The following LRRC4C variants were observed in gnomAD, a reference collection of about 807,000 sequenced individuals.
LRRC4C encodes the protein leucine-rich repeat-containing protein 4C.
LRRC4C carries 5 observed loss-of-function variants against 33.6 expected under a neutral mutation model. The observed-to-expected ratio is 0.15, with a 90% CI of 0.08 to 0.31. LRRC4C has a LOEUF of 0.31. Among genes scored for constraint, LRRC4C ranks in the 10% least tolerant of loss-of-function variants. The pLI, the probability that LRRC4C is intolerant of heterozygous loss-of-function variation, is 1.00. For synonymous variants in LRRC4C, 329 were observed against 302.0 expected (o/e 1.09, Z -0.93); for missense variants, 560 against 796.7 (o/e 0.70, Z 3.58).
chr11:41,165,014 G>A (rs1042088020), intron 1 of LRRC4C, among the ~76,000 whole-genome samples: 24 of 152,182 alleles, frequency 1.6e-4, no homozygotes, highest in Middle Eastern at 3.4e-3. Context: ...AAGTAGCAGC[G>A]CAAATGCTAA....
At chr11:40,232,242 G>A (rs568449435) in intron 5 of LRRC4C, among the ~76,000 whole-genome samples, 2 of 152,174 alleles carry the variant, frequency 1.3e-5, no homozygotes, top group Admixed American at 6.5e-5. Flanking sequence ...CTGACCTCAG[G>A]TGATCCACCC....
intron 3 of LRRC4C, among the ~76,000 whole-genome samples, chr11:40,590,865 C>G (rs200338479): frequency 2.1e-5 from 3 of 145,484 alleles, no homozygotes; most frequent in African/African-American, 7.5e-5. Context: ...GCTGGGAGAA[C>G]CACTGCTCTC....
At chr11:40,148,772 T>C (rs1270328954) in intron 5 of LRRC4C, among the ~76,000 whole-genome samples, 1 of 152,200 alleles carries the variant, frequency 6.6e-6, no homozygotes, top group African/African-American at 2.4e-5. Context: ...ATGGCCAGAA[T>C]GGTATTGCTT....
chr11:40,863,389 G>T lies in LRRC4C; in HGVS notation c.-407+70246C>A, dbSNP rs372936238. Among the ~76,000 whole-genome samples the T allele has an allele frequency of 1.1e-4, 17 of 152,260 alleles. No homozygotes were observed. The East Asian group carries it at 1.9e-3, about 17-fold the overall frequency. On this transcript the variant is annotated intron_variant, in intron 2 of 6. Coordinates refer to ENST00000528697, the MANE Select transcript of LRRC4C (RefSeq NM_001258419.2). Reference sequence around the variant, plus strand: ...GACGGGATAGTTTCTGTATAAATTGGTAGAACAGACATATGTTTATTACTC... The same window carrying T: ...GACGGGATAGTTTCTGTATAAATTGTTAGAACAGACATATGTTTATTACTC...
At chr11:40,460,439 T>G (rs977922528) in intron 3 of LRRC4C, among the ~76,000 whole-genome samples, 1 of 152,084 alleles carries the variant, frequency 6.6e-6, no homozygotes, top group Non-Finnish European at 1.5e-5. Context: ...AGAAGAGGAC[T>G]TTGGTGAAAT....
chr11:40,602,117 C>T (rs1485548408), intron 3 of LRRC4C, among the ~76,000 whole-genome samples: 1 of 150,556 alleles, frequency 6.6e-6, no homozygotes, highest in East Asian at 2.0e-4. Flanking sequence ...ATCACTTGAA[C>T]CTGGGAGGCA....
chr11:40,944,095 C>G (rs1198531938), intron 1 of LRRC4C, among the ~76,000 whole-genome samples: 1 of 152,044 alleles, frequency 6.6e-6, no homozygotes, highest in Non-Finnish European at 1.5e-5. Context: ...GTTAGCTCCC[C>G]TTGGATGGAT....
At chr11:41,074,121 T>G (rs1938927487) in intron 1 of LRRC4C, among the ~76,000 whole-genome samples, 1 of 152,318 alleles carries the variant, frequency 6.6e-6, no homozygotes, top group Middle Eastern at 3.4e-3. Context: ...TAGTCAAGAT[T>G]TTTTTGTCAT....
At chr11:41,174,063 A>G (rs1945092926) in intron 1 of LRRC4C, among the ~76,000 whole-genome samples, 1 of 152,230 alleles carries the variant, frequency 6.6e-6, no homozygotes, top group South Asian at 2.1e-4. Flanking sequence ...TTATTCTGCA[A>G]CAGATGACCA....
Position 40,617,329 on chromosome 11 carries a change from A to G in LRRC4C, c.-270+30813T>C, listed in dbSNP as rs531342348. Reference sequence around the variant, plus strand: ...AGGAGGTTTAGGTCTAAAGAATTCCATATCCCTAAAGTCCTCATTGTTTCC... The same window carrying G: ...AGGAGGTTTAGGTCTAAAGAATTCCGTATCCCTAAAGTCCTCATTGTTTCC... On this transcript the variant is annotated intron_variant, in intron 3 of 6. Transcript: ENST00000528697. Among the ~76,000 whole-genome samples the G allele has an allele frequency of 3.3e-5, 5 of 151,792 alleles. No individual in the cohort carries two copies. The East Asian group carries it at 7.8e-4, about 24-fold the overall frequency.
chr11:40,170,510 A>G (rs1859957032), intron 5 of LRRC4C, among the ~76,000 whole-genome samples: 2 of 142,082 alleles, frequency 1.4e-5, no homozygotes, highest in Admixed American at 7.1e-5. Flanking sequence ...GAAAGAGAGA[A>G]AAAAAAAATC....
At chr11:40,336,081 T>G (rs1367861327) in intron 3 of LRRC4C, among the ~76,000 whole-genome samples, 1 of 151,944 alleles carries the variant, frequency 6.6e-6, no homozygotes. Flanking sequence ...CAATATAGAG[T>G]TTTTAGTAGA....
At chr11:41,430,275 T>C (rs779348818) in intron 1 of LRRC4C, among the ~76,000 whole-genome samples, 1 of 152,162 alleles carries the variant, frequency 6.6e-6, no homozygotes, top group African/African-American at 2.4e-5. Flanking sequence ...TTACAATGCA[T>C]TGTAAGTGAT....
chr11:40,285,657 G>T (rs1362385323), intron 4 of LRRC4C, among the ~76,000 whole-genome samples: 2 of 152,136 alleles, frequency 1.3e-5, no homozygotes, highest in Non-Finnish European at 2.9e-5. Flanking sequence ...AATGACTGAG[G>T]ACTGACAAAT....
chr11:41,383,810 A>G (rs1003592391), intron 1 of LRRC4C, among the ~76,000 whole-genome samples: 1 of 151,356 alleles, frequency 6.6e-6, no homozygotes, highest in Non-Finnish European at 1.5e-5. Context: ...GCAGACTAGA[A>G]AAAAAAAATT....
At chr11:40,683,664 AT>A (rs2136346830) in intron 2 of LRRC4C, among the ~76,000 whole-genome samples, 1 of 152,314 alleles carries the variant, frequency 6.6e-6, no homozygotes, top group East Asian at 1.9e-4. Flanking sequence ...GGAAGTAGAT[AT>A]GTATTTATTT....
chr11:40,369,460 T>G (rs929477269), intron 3 of LRRC4C, among the ~76,000 whole-genome samples: 1 of 152,126 alleles, frequency 6.6e-6, no homozygotes, highest in African/African-American at 2.4e-5. Context: ...TTTCTCAGCC[T>G]CCTGAGTAGC....
At chr11:41,376,622 G>C (rs1383347549) in intron 1 of LRRC4C, among the ~76,000 whole-genome samples, 1 of 152,082 alleles carries the variant, frequency 6.6e-6, no homozygotes, top group Non-Finnish European at 1.5e-5. Flanking sequence ...ATAGTTTATT[G>C]CATGTTTGGG....
intron 2 of LRRC4C, among the ~76,000 whole-genome samples, chr11:40,682,439 C>T (rs115893277): frequency 0.016 from 2,487 of 152,096 alleles, 22 homozygotes; most frequent in Middle Eastern, 0.041. Flanking sequence ...CAGTATGGGC[C>T]TTAAGGACTG....
Sources: gnomAD v4.1 joint callset for allele counts (sites outside exome capture counted in the v4.1 genomes callset) on GRCh38, gnomAD v4.1.1 for gene constraint, MANE v1.5 for transcripts, NCBI Gene and HGNC (gene_info 2026-07-23, HGNC 2026-07-21) for gene names.